The following PCGF5 variants were observed in gnomAD, a reference collection of about 807,000 sequenced individuals.
PCGF5 encodes polycomb group RING finger protein 5.
In PCGF5, 9 loss-of-function variants were observed where a neutral mutation model predicts 44.3. The observed-to-expected ratio is 0.20, with a 90% CI of 0.12 to 0.35. The LOEUF (loss-of-function observed/expected upper bound fraction) is 0.35, where lower values mean the gene tolerates loss of function less well. Among genes scored for constraint, PCGF5 ranks in the 10% least tolerant of loss-of-function variants. The probability of loss-of-function intolerance (pLI) is 1.00; values close to 1 mark genes in which losing one functional copy is unlikely to be tolerated. For missense variants in PCGF5, 146 were observed against 305.3 expected (o/e 0.48, Z 3.89); for synonymous variants, 95 against 102.5 (o/e 0.93, Z 0.44).
chr10:91,178,883 CATT>C (rs1264936372), intron 1 of PCGF5, among the ~76,000 whole-genome samples: 2 of 152,134 alleles, frequency 1.3e-5, no homozygotes, highest in Non-Finnish European at 2.9e-5. Flanking sequence ...ATACATGAAG[CATT>C]ATTATTTGGA....
At chr10:91,270,227 T>A (rs1032435581) in intron 8 of PCGF5, among the ~76,000 whole-genome samples, 19 of 152,170 alleles carry the variant, frequency 1.2e-4, no homozygotes, top group Admixed American at 3.3e-4. Flanking sequence ...TCCCAGCTCA[T>A]CCTGATTTAG....
intron 1 of PCGF5, among the ~76,000 whole-genome samples, chr10:91,198,613 C>G (rs1204518645): frequency 1.3e-5 from 2 of 152,358 alleles, no homozygotes; most frequent in East Asian, 3.9e-4. Flanking sequence ...AGAGTTCAAG[C>G]TTGTCTCTGT....
intron 1 of PCGF5, among the ~76,000 whole-genome samples, chr10:91,206,220 A>G (rs1219233524): frequency 2.0e-5 from 3 of 152,106 alleles, no homozygotes; most frequent in African/African-American, 7.2e-5. Context: ...GCCGTCAAGG[A>G]GCTGAACAGC....
At chr10:91,160,023 G>A (rs1406569601), upstream of PCGF5, among the ~76,000 whole-genome samples, 4 of 151,958 alleles carry the variant, frequency 2.6e-5, no homozygotes, top group Admixed American at 6.6e-5. Context: ...TCTGTGTTTC[G>A]GAATAGTCTC....
intron 7 of PCGF5, among the ~76,000 whole-genome samples, chr10:91,262,243 T>C (rs943011069): frequency 3.3e-5 from 5 of 151,956 alleles, no homozygotes; most frequent in Non-Finnish European, 7.4e-5. Flanking sequence ...CTGGCCAACA[T>C]GGTAAAACCC....
At chr10:91,236,501 A>G (rs551245616) in intron 2 of PCGF5, among the ~76,000 whole-genome samples, 3 of 152,112 alleles carry the variant, frequency 2.0e-5, no homozygotes, top group Admixed American at 2.0e-4. Flanking sequence ...GAGAATGAAG[A>G]CTCTACTTGG....
chr10:91,275,876 T>A (rs907586983), intron 9 of PCGF5, among the ~76,000 whole-genome samples: 59 of 152,208 alleles, frequency 3.9e-4, no homozygotes, highest in African/African-American at 1.3e-3. Context: ...AATAGATCAG[T>A]GGGTTAAGAT....
chr10:91,207,699 A>G (rs896801638), intron 1 of PCGF5, among the ~76,000 whole-genome samples: 2 of 152,002 alleles, frequency 1.3e-5, no homozygotes, highest in African/African-American at 4.8e-5. Context: ...ATCTTTCTCA[A>G]TTTTTCTTTG....
intron 1 of PCGF5, among the ~76,000 whole-genome samples, chr10:91,192,312 C>G (rs1844048496): frequency 6.6e-6 from 1 of 152,076 alleles, no homozygotes; most frequent in African/African-American, 2.4e-5. Flanking sequence ...TGCTCGTATA[C>G]CTGGATAATA....
At chr10:91,164,843 T>C (rs12259124) in intron 1 of PCGF5, among the ~76,000 whole-genome samples, 2,289 of 152,356 alleles carry the variant, frequency 0.015, 60 homozygotes, top group African/African-American at 0.053. Flanking sequence ...TATTTTATTT[T>C]CTTCACTGCG....
At chr10:91,257,941 A>G (rs1845798515) in intron 6 of PCGF5, among the ~76,000 whole-genome samples, 1 of 152,174 alleles carries the variant, frequency 6.6e-6, no homozygotes, top group Non-Finnish European at 1.5e-5. Flanking sequence ...AAGCAGAATG[A>G]AAGGAAATGT....
upstream of PCGF5, among the ~76,000 whole-genome samples, chr10:91,160,037 G>T (rs1401846261): frequency 6.6e-6 from 1 of 152,090 alleles, no homozygotes. Context: ...TAGTCTCAGA[G>T]AACTGAGAGC....
At chr10:91,201,079 C>G (rs1844243273) in intron 1 of PCGF5, among the ~76,000 whole-genome samples, 2 of 152,158 alleles carry the variant, frequency 1.3e-5, no homozygotes, top group Non-Finnish European at 2.9e-5. Flanking sequence ...GTGAGAAGAG[C>G]TGCCCACTTA....
At chr10:91,274,634 T>C (rs1846262433) in intron 9 of PCGF5, among the ~76,000 whole-genome samples, 1 of 152,184 alleles carries the variant, frequency 6.6e-6, no homozygotes. Flanking sequence ...TTTATAGTGT[T>C]AGAAGAAAAA....
At chr10:91,160,384 C>T (rs540324850), upstream of PCGF5, among the ~76,000 whole-genome samples, 18 of 152,300 alleles carry the variant, frequency 1.2e-4, no homozygotes, top group East Asian at 1.9e-4. Context: ...TTGTTGGTGA[C>T]GGGCACAAAG....
chr10:91,160,838 G>C (rs1025426521), upstream of PCGF5, among the ~76,000 whole-genome samples: 2 of 152,194 alleles, frequency 1.3e-5, no homozygotes, highest in African/African-American at 4.8e-5. Context: ...AGTTCCTGCT[G>C]CACTGCGGAA....
At chr10:91,237,564 G>A (rs371629038) in intron 2 of PCGF5, among the ~76,000 whole-genome samples, 26 of 152,202 alleles carry the variant, frequency 1.7e-4, no homozygotes, top group East Asian at 1.2e-3. Context: ...CTAACATGGC[G>A]AAACCCCGTC....
At chr10:91,203,598 TTAAAA>T (rs1844291690) in intron 1 of PCGF5, among the ~76,000 whole-genome samples, 1 of 152,224 alleles carries the variant, frequency 6.6e-6, no homozygotes. Context: ...TCCTGCTGAG[TTAAAA>T]TAAATTTTTG....
intron 2 of PCGF5, among the ~76,000 whole-genome samples, chr10:91,228,749 C>T (rs1481640508): frequency 6.6e-6 from 1 of 152,152 alleles, no homozygotes; most frequent in Non-Finnish European, 1.5e-5. Flanking sequence ...GAAAATCTTA[C>T]ACTACATACA....
Sources: allele counts gnomAD v4.1 joint callset (sites outside exome capture counted in the v4.1 genomes callset), GRCh38; gene constraint gnomAD v4.1.1; transcripts MANE v1.5; gene names NCBI Gene and HGNC (gene_info 2026-07-23, HGNC 2026-07-21).